RBKS: variants seen among roughly 807,000 people sequenced by gnomAD.
The protein encoded by RBKS is ribokinase.
A neutral mutation model predicts 33.9 loss-of-function variants in RBKS; 33 were observed. The ratio of observed to expected loss-of-function variants is 0.97; its 90% CI spans 0.74 to 1.30. The LOEUF (loss-of-function observed/expected upper bound fraction) is 1.30, where lower values mean the gene tolerates loss of function less well. RBKS is among the 50% of genes most tolerant of loss of function. The probability of loss-of-function intolerance (pLI) is 0.00; values close to 1 mark genes in which losing one functional copy is unlikely to be tolerated. For missense variants in RBKS, 361 were observed against 392.6 expected (o/e 0.92, Z 0.68); for synonymous variants, 125 against 143.0 (o/e 0.87, Z 0.90).
chr2:27,885,275 G>A (rs1249409003), intron 1 of RBKS, among the ~76,000 whole-genome samples: 3 of 152,116 alleles, frequency 2.0e-5, no homozygotes, highest in African/African-American at 7.2e-5. Flanking sequence ...TGCCTAGATT[G>A]TTGGGATTGA....
At position 27,843,149 on chromosome 2, in the gene RBKS, G is replaced by C. The variant is rs767394663; in HGVS notation, c.432C>G (p.Ser144Arg). 2.1e-4 allele frequency: 337 copies of C among 1,612,492 alleles called. No individual in the cohort carries two copies. The highest frequency in any genetic ancestry group is 2.7e-4 in the Non-Finnish European group (317 of 1,179,314). ...EDLRAAANVI[S>R]RAKVMVCQLE... ...GCTGGCAGACCATGACTTTGGCTCT[G>C]CTAATGACATTGGCTGCTGCCCTCA... The change falls in exon 5 of 8, where the codon AGC (serine) becomes AGG (arginine). Residue 144 changes from serine to arginine, a missense_variant. Coordinates refer to ENST00000302188, the MANE Select transcript of RBKS (RefSeq NM_022128.3).
chr2:27,846,051 G>C (rs184139922), intron 4 of RBKS, among the ~76,000 whole-genome samples: 3 of 151,668 alleles, frequency 2.0e-5, no homozygotes, highest in Non-Finnish European at 4.4e-5. Flanking sequence ...TGCAACCTCC[G>C]CCTTGTGAGT....
intron 7 of RBKS, among the ~76,000 whole-genome samples, chr2:27,791,503 G>T (rs1407454535): frequency 6.6e-6 from 1 of 151,726 alleles, no homozygotes; most frequent in East Asian, 1.9e-4. Flanking sequence ...GGGATCTCAG[G>T]CCTTTGACCT....
intron 1 of RBKS, among the ~76,000 whole-genome samples, chr2:27,878,216 G>A (rs1168511858): frequency 3.4e-5 from 5 of 148,714 alleles, no homozygotes; most frequent in African/African-American, 5.0e-5. Flanking sequence ...AGAGTGTGAT[G>A]TTCCCCTTCC....
chr2:27,884,279 C>A (rs1387914642), intron 1 of RBKS, among the ~76,000 whole-genome samples: 3 of 152,130 alleles, frequency 2.0e-5, no homozygotes, highest in African/African-American at 7.2e-5. Flanking sequence ...AACAGGGTCT[C>A]ACTCTGTTGT....
At chr2:27,801,669 G>A (rs1440255814) in intron 7 of RBKS, among the ~76,000 whole-genome samples, 3 of 151,980 alleles carry the variant, frequency 2.0e-5, no homozygotes, top group African/African-American at 4.8e-5. Context: ...AATTTATAAA[G>A]AAAAGAGATT....
chr2:27,847,135 G>C (rs762436338), intron 3 of RBKS, 31 bp from the exon 4 acceptor site: 2 of 1,264,208 alleles, frequency 1.6e-6, no homozygotes, highest in Non-Finnish European at 2.3e-6. Flanking sequence ...ACAATCACAT[G>C]TATACAGGCT....
intron 5 of RBKS, among the ~76,000 whole-genome samples, chr2:27,835,459 C>G (rs1264316499): frequency 1.7e-5 from 2 of 117,562 alleles, no homozygotes; most frequent in African/African-American, 6.5e-5. Context: ...GGCTCTGTCA[C>G]CCAGGCTGGA....
intron 7 of RBKS, among the ~76,000 whole-genome samples, chr2:27,820,786 A>G (rs868165618): frequency 4.6e-5 from 7 of 152,270 alleles, no homozygotes; most frequent in African/African-American, 1.7e-4. Flanking sequence ...GCTCACGCCT[A>G]TAATTCCAGC....
intron 4 of RBKS, among the ~76,000 whole-genome samples, chr2:27,845,907 G>A (rs982753966): frequency 2.8e-4 from 42 of 151,812 alleles, no homozygotes; most frequent in African/African-American, 6.8e-4. Flanking sequence ...TTATGTAGGC[G>A]TTTTTATAAT....
chr2:27,827,451 C>A, intron 7 of RBKS, 116 bp downstream of exon 7: 1 of 858,228 alleles, frequency 1.2e-6, no homozygotes. Context: ...TTCTCTTTTA[C>A]CATATCACTT....
intron 7 of RBKS, among the ~76,000 whole-genome samples, chr2:27,791,268 C>T (rs1045459033): frequency 6.6e-6 from 1 of 152,140 alleles, no homozygotes. Flanking sequence ...AACATTATTT[C>T]TGTTTAATAG....
intron 4 of RBKS, 115 bp downstream of exon 4, chr2:27,846,927 G>A: frequency 7.7e-6 from 5 of 646,766 alleles, no homozygotes; most frequent in South Asian, 2.3e-5. Flanking sequence ...TTTAGGCCTT[G>A]GAGTGATGGG....
chr2:27,811,499 T>C (rs13032708), intron 7 of RBKS, among the ~76,000 whole-genome samples: 4 of 152,310 alleles, frequency 2.6e-5, no homozygotes, highest in South Asian at 4.1e-4. Context: ...TTTTGTATCA[T>C]TAGTCTTGGA....
At chr2:27,848,573 T>A (rs555743186) in intron 2 of RBKS, among the ~76,000 whole-genome samples, 4 of 152,240 alleles carry the variant, frequency 2.6e-5, no homozygotes, top group Non-Finnish European at 5.9e-5. Flanking sequence ...TAACTTGGTA[T>A]AATGGAATTG....
chr2:27,828,940 T>A (rs1678370716), intron 6 of RBKS, among the ~76,000 whole-genome samples: 1 of 152,232 alleles, frequency 6.6e-6, no homozygotes, highest in African/African-American at 2.4e-5. Context: ...TTACTCCAGC[T>A]GGAGTGCTGT....
chr2:27,809,831 A>AT (rs1390035427), intron 7 of RBKS: 6 of 806,372 alleles, frequency 7.4e-6, no homozygotes, highest in Non-Finnish European at 1.1e-5. Context: ...ATTTCATAAT[A>AT]TTAGCACCAA....
At chr2:27,823,707 A>T (rs1380585791) in intron 7 of RBKS, among the ~76,000 whole-genome samples, 1 of 152,166 alleles carries the variant, frequency 6.6e-6, no homozygotes, top group African/African-American at 2.4e-5. Context: ...CATAAAAAAG[A>T]TGAGGAAGAT....
intron 4 of RBKS, 106 bp from the exon 5 acceptor site, chr2:27,843,337 G>T: frequency 1.3e-6 from 1 of 776,958 alleles, no homozygotes; most frequent in Non-Finnish European, 1.9e-6. Flanking sequence ...TATACAAAAT[G>T]TGTTATTAAG....
Sources: gnomAD v4.1 joint callset for allele counts (sites outside exome capture counted in the v4.1 genomes callset) on GRCh38, gnomAD v4.1.1 for gene constraint, MANE v1.5 for transcripts, NCBI Gene and HGNC (gene_info 2026-07-23, HGNC 2026-07-21) for gene names.